The following ZNF431 variants were observed in gnomAD, a reference collection of about 807,000 sequenced individuals.
ZNF431 encodes the protein zinc finger protein 431.
In ZNF431, 34 loss-of-function variants were observed where a neutral mutation model predicts 57.0. That is an observed-to-expected ratio of 0.60 (90% CI 0.45 to 0.79). The LOEUF is 0.79. Ranked by LOEUF, ZNF431 falls within the 30% of genes least tolerant of loss-of-function variation. The pLI is 0.00. For missense variants in ZNF431, 607 were observed against 667.1 expected, an observed-to-expected ratio of 0.91 and a Z score of 0.99; for synonymous variants, 207 against 220.3, an observed-to-expected ratio of 0.94 and a Z score of 0.54.
At chr19:21,154,826 A>T (rs1343701906) in intron 2 of ZNF431, among the ~76,000 whole-genome samples, 3 of 152,112 alleles carry the variant, frequency 2.0e-5, no homozygotes, top group Non-Finnish European at 4.4e-5. Context: ...TTCTTTTGAG[A>T]AGTGTCTGTT....
intron 2 of ZNF431, 31 bp from the exon 3 acceptor site, chr19:21,166,304 A>G: frequency 6.2e-7 from 1 of 1,605,362 alleles, no homozygotes; most frequent in Non-Finnish European, 8.5e-7. Context: ...CTTGGTAAAT[A>G]TATGTGTGTC....
chr19:21,162,718 A>G (rs1257188441), intron 2 of ZNF431: 1 of 985,312 alleles, frequency 1.0e-6, no homozygotes, highest in Non-Finnish European at 1.2e-6. Flanking sequence ...CTGCCTTTCT[A>G]GAGCTGGTGC....
chr19:21,189,793 A>G lies in ZNF431; in HGVS notation c.*5759A>G. 2.5e-6 allele frequency: 1 copy of G among 396,912 alleles called. No individual in the cohort carries two copies. Among genetic ancestry groups the G allele is most frequent in the East Asian group, 3.6e-5 (1 of 28,008 alleles). The allele number at this position is 396,912 out of a possible 1,614,324, so 24.6% of individuals were successfully genotyped here. ...ACACTAATCTTTCTGTGCCTTGCTT[A>G]TCCCAACTAATACAATGTCCTCCAA... On this transcript the variant is annotated 3_prime_UTR_variant, in exon 5 of 5. Transcript: ENST00000311048.
chr19:21,182,707 G>A lies in ZNF431; in HGVS notation c.404G>A (p.Gly135Asp), dbSNP rs1568315192. 1.2e-6 allele frequency: 2 copies of A among 1,613,848 alleles called. No homozygotes were observed. The highest frequency in any genetic ancestry group is 2.2e-5 in the East Asian group (1 of 44,820). The change falls in exon 5 of 5, where the codon GGC becomes GAC. Residue 135 changes from glycine (G) to aspartate (D), a missense_variant. Transcript: ENST00000311048. Reference protein sequence around the residue: ...SFQQVILRRYGKCEHENLQLR... With the variant: ...SFQQVILRRYDKCEHENLQLR... ...CAACAAGTAATACTGAGAAGATATG[G>A]CAAATGTGAACATGAGAATTTACAG...
rs911267119 is a variant in ZNF431 at position 21,184,343 on chromosome 19, C to T, written c.*309C>T. On this transcript the variant is annotated 3_prime_UTR_variant, in exon 5 of 5. Transcript: ENST00000311048. ...CCAGTTTGGCAACAGAGTGAGACTC[C>T]GTCTCAAAAAAAATTTATACTGTAC... is the stretch of plus-strand genomic sequence containing the variant. 5.0e-5 allele frequency: 10 copies of T among 198,068 alleles called. No homozygotes were observed. In the East Asian group the frequency reaches 7.2e-4, roughly 14 times the overall value. The allele number at this position is 198,068 out of a possible 1,614,324, so 12.3% of individuals were successfully genotyped here.
At chr19:21,162,823 T>C (rs1970613023) in intron 2 of ZNF431, 9 of 891,346 alleles carry the variant, frequency 1.0e-5, no homozygotes, top group Non-Finnish European at 1.2e-5. Flanking sequence ...AACCAGTGCT[T>C]ACAGAAATAT....
chr19:21,169,061 G>A (rs1399424165), intron 4 of ZNF431, among the ~76,000 whole-genome samples: 4 of 152,030 alleles, frequency 2.6e-5, no homozygotes, highest in African/African-American at 4.8e-5. Context: ...ACAGGCACTC[G>A]GCACCAGCCC....
intron 2 of ZNF431, among the ~76,000 whole-genome samples, chr19:21,163,885 C>T (rs1024752196): frequency 2.0e-4 from 30 of 151,768 alleles, no homozygotes; most frequent in African/African-American, 5.6e-4. Flanking sequence ...CCACTTCTCT[C>T]ATTAGGATTA....
intron 2 of ZNF431, among the ~76,000 whole-genome samples, chr19:21,153,040 T>G (rs1866264257): frequency 6.6e-6 from 1 of 152,230 alleles, no homozygotes; most frequent in African/African-American, 2.4e-5. Flanking sequence ...TATTTCTTGA[T>G]TATATGCTAA....
rs762632162 is a variant in ZNF431, at chr19:21,189,476, C to CA, written c.*5456dup. 1,290 of 128,808 alleles carry CA rather than the reference C, an allele frequency of 0.01. 9 individuals carry two copies. Among genetic ancestry groups the CA allele is most frequent in the African/African-American group, 0.02 (702 of 34,888 alleles). The allele number at this position is 128,808 out of a possible 1,614,324, so 8.0% of individuals were successfully genotyped here. Reference sequence around the variant, plus strand: ...CCAGACTGGGGGACAGAGTGACTATCAAAAAAAAAAAAAACTTTACCTCAT... The same window carrying CA: ...CCAGACTGGGGGACAGAGTGACTATCAAAAAAAAAAAAAAACTTTACCTCAT... On this transcript the variant is annotated 3_prime_UTR_variant, in exon 5 of 5. Coordinates refer to ENST00000311048, the MANE Select transcript of ZNF431 (RefSeq NM_133473.4).
At chr19:21,166,307 T>G in intron 2 of ZNF431, 28 bp from the exon 3 acceptor site, 3 of 1,607,236 alleles carry the variant, frequency 1.9e-6, no homozygotes, top group Non-Finnish European at 2.5e-6. Context: ...GGTAAATATA[T>G]GTGTGTCTCT....
At chr19:21,147,337 A>G (rs1970129314) in intron 2 of ZNF431, among the ~76,000 whole-genome samples, 1 of 152,028 alleles carries the variant, frequency 6.6e-6, no homozygotes, top group African/African-American at 2.4e-5. Flanking sequence ...AAATACAAAA[A>G]AAATAGCTGG....
intron 2 of ZNF431, among the ~76,000 whole-genome samples, chr19:21,148,242 G>A (rs781456081): frequency 9.2e-5 from 14 of 152,094 alleles, no homozygotes; most frequent in Non-Finnish European, 1.0e-4. Flanking sequence ...TGATCGGCCC[G>A]CCTTGGCCTC....
chr19:21,179,796 G>A (rs900542858), intron 4 of ZNF431, among the ~76,000 whole-genome samples: 6 of 151,902 alleles, frequency 3.9e-5, no homozygotes, highest in Non-Finnish European at 8.8e-5. Context: ...CCGACCTCAG[G>A]TGATCTGTCC....
chr19:21,158,728 T>C (rs1402138088), intron 2 of ZNF431, among the ~76,000 whole-genome samples: 2 of 152,302 alleles, frequency 1.3e-5, no homozygotes, highest in Middle Eastern at 3.4e-3. Context: ...TTGCTGAGAC[T>C]GTAGGGTTTT....
chr19:21,178,588 A>G (rs1971121841), intron 4 of ZNF431, among the ~76,000 whole-genome samples: 1 of 152,128 alleles, frequency 6.6e-6, no homozygotes, highest in African/African-American at 2.4e-5. Context: ...AGATCTGTTT[A>G]TGTGATGAAT....
rs1377898461 is a variant in ZNF431, at chr19:21,192,937, C to G, written c.*8903C>G. Reference sequence around the variant, plus strand: ...AAAAGTCAGAGACTACTATGAACATCTCTATGCCTGCAAAATAGAAAATTT... The same window carrying G: ...AAAAGTCAGAGACTACTATGAACATGTCTATGCCTGCAAAATAGAAAATTT... On this transcript the variant is annotated 3_prime_UTR_variant, in exon 5 of 5. Coordinates refer to ENST00000311048, the MANE Select transcript of ZNF431 (RefSeq NM_133473.4). The G allele has an allele frequency of 6.6e-6, 1 of 152,126 alleles. No homozygotes were observed. The highest frequency in any genetic ancestry group is 1.5e-5 in the Non-Finnish European group (1 of 68,022). The allele number at this position is 152,126 out of a possible 1,614,324, so 9.4% of individuals were successfully genotyped here.
intron 2 of ZNF431, among the ~76,000 whole-genome samples, chr19:21,155,177 C>T (rs1025890824): frequency 2.0e-5 from 3 of 152,026 alleles, no homozygotes; most frequent in Non-Finnish European, 4.4e-5. Flanking sequence ...GTCTTTAATC[C>T]ATCTTGAATT....
At chr19:21,142,277 AG>A in intron 1 of ZNF431, 91 bp downstream of exon 1, 1 of 1,564,318 alleles carries the variant, frequency 6.4e-7, no homozygotes, top group Non-Finnish European at 8.8e-7. Context: ...GCCTCCCCGC[AG>A]TCAGCTCCAC....
Sources: gnomAD v4.1 joint callset for allele counts (sites outside exome capture counted in the v4.1 genomes callset) on GRCh38, gnomAD v4.1.1 for gene constraint, MANE v1.5 for transcripts, NCBI Gene and HGNC (gene_info 2026-07-23, HGNC 2026-07-21) for gene names.